Variants in PLD1 observed in about 807,000 individuals in gnomAD.
PLD1 encodes the protein phospholipase D1.
PLD1 carries 112 observed loss-of-function variants against 137.1 expected under a neutral mutation model. That is an observed-to-expected ratio of 0.82 (90% CI 0.70 to 0.96). PLD1 has a LOEUF of 0.96. Among genes scored for constraint, PLD1 ranks in the 40% least tolerant of loss-of-function variants. The pLI is 0.00. For synonymous variants in PLD1, 431 were observed against 454.7 expected, an observed-to-expected ratio of 0.95 and a Z score of 0.66; for missense variants, 1,321 against 1,342.0, an observed-to-expected ratio of 0.98 and a Z score of 0.24.
At chr3:171,800,335 A>G (rs543890172) in intron 1 of PLD1, among the ~76,000 whole-genome samples, 2 of 152,042 alleles carry the variant, frequency 1.3e-5, no homozygotes, top group East Asian at 3.9e-4. Flanking sequence ...CAGCCTCCCA[A>G]GTAGCTGTGA....
intron 1 of PLD1, among the ~76,000 whole-genome samples, chr3:171,775,504 A>G (rs1722557265): frequency 6.6e-6 from 1 of 152,140 alleles, no homozygotes; most frequent in Non-Finnish European, 1.5e-5. Context: ...TTAGAATGTC[A>G]AAGAGGTCCC....
At chr3:171,710,626 C>T (rs967465189) in intron 9 of PLD1, among the ~76,000 whole-genome samples, 3 of 152,194 alleles carry the variant, frequency 2.0e-5, no homozygotes, top group Non-Finnish European at 4.4e-5. Flanking sequence ...CAGTTCCGAA[C>T]AGGACACGGA....
chr3:171,639,848 C>CTCTCTCTCTATA (rs3050415), intron 23 of PLD1, among the ~76,000 whole-genome samples: 10 of 110,190 alleles, frequency 9.1e-5, no homozygotes, highest in Middle Eastern at 0.01. Flanking sequence ...CTCTCTCTCT[C>CTCTCTCTCTATA]TATATATATA....
Position 171,724,742 on chromosome 3 carries a change from A to G in PLD1, c.712T>C (p.Leu238=), listed in dbSNP as rs1308901245. 2 of 1,611,536 alleles carry G rather than the reference A, an allele frequency of 1.2e-6. No individual in the cohort carries two copies. Among genetic ancestry groups the G allele is most frequent in the African/African-American group, 2.7e-5 (2 of 74,908 alleles). The change falls in exon 8 of 27, where the codon TTG becomes CTG. Residue 238 remains leucine, a synonymous_variant. Coordinates refer to ENST00000351298, the MANE Select transcript of PLD1 (RefSeq NM_002662.5). ...GCTCTTCCCTGACCACAGCAATTCA[A>G]GCCTGGTATTCTGTGTCCTCCAGAT... The part of the protein sequence containing the change: ...KRSGGHRIPG[L]NCCGQGRACY...
At chr3:171,746,912 A>G (rs887780393) in intron 1 of PLD1, among the ~76,000 whole-genome samples, 2 of 152,220 alleles carry the variant, frequency 1.3e-5, no homozygotes, top group African/African-American at 2.4e-5. Context: ...GCTCTTTGCA[A>G]TAAATCTTGC....
At chr3:171,674,042 G>A (rs1713069617) in intron 19 of PLD1, among the ~76,000 whole-genome samples, 1 of 152,216 alleles carries the variant, frequency 6.6e-6, no homozygotes, top group African/African-American at 2.4e-5. Context: ...TAAACTGGAT[G>A]TGGTAAACTG....
chr3:171,626,450 T>C (rs1734115658), intron 23 of PLD1, among the ~76,000 whole-genome samples: 1 of 152,184 alleles, frequency 6.6e-6, no homozygotes, highest in Non-Finnish European at 1.5e-5. Context: ...CCAGGAGAAC[T>C]TCCCCAATCT....
intron 1 of PLD1, among the ~76,000 whole-genome samples, chr3:171,773,280 G>T (rs1183233545): frequency 6.6e-6 from 1 of 152,080 alleles, no homozygotes; most frequent in Admixed American, 6.6e-5. Flanking sequence ...ACTTTTAAAT[G>T]AGCCCAAGCT....
intron 1 of PLD1, among the ~76,000 whole-genome samples, chr3:171,739,603 C>A (rs1403095824): frequency 2.0e-5 from 3 of 152,142 alleles, no homozygotes; most frequent in African/African-American, 7.2e-5. Context: ...TTAGAATGCA[C>A]CTCGCTGGTG....
intron 1 of PLD1, among the ~76,000 whole-genome samples, chr3:171,797,927 T>C (rs1723495129): frequency 6.6e-6 from 1 of 152,220 alleles, no homozygotes. Context: ...TCACGATGGC[T>C]GTCCTGTGAG....
intron 21 of PLD1, among the ~76,000 whole-genome samples, chr3:171,656,839 A>AAACAT (rs1276639215): frequency 6.6e-6 from 1 of 152,230 alleles, no homozygotes; most frequent in Admixed American, 6.5e-5. Context: ...CCAGGTATGA[A>AAACAT]AAGTATGGAG....
At chr3:171,661,664 G>A (rs1227956587) in intron 20 of PLD1, among the ~76,000 whole-genome samples, 1 of 152,162 alleles carries the variant, frequency 6.6e-6, no homozygotes, top group Non-Finnish European at 1.5e-5. Flanking sequence ...GTGGCATCCA[G>A]TGGTCTCTAT....
intron 22 of PLD1, among the ~76,000 whole-genome samples, chr3:171,644,054 G>A (rs747538211): frequency 1.2e-4 from 19 of 152,032 alleles, no homozygotes; most frequent in Non-Finnish European, 2.1e-4. Flanking sequence ...CTCCACCCCC[G>A]ATTTGACCAA....
chr3:171,710,510 A>G (rs1717104225), intron 9 of PLD1, among the ~76,000 whole-genome samples: 1 of 152,210 alleles, frequency 6.6e-6, no homozygotes, highest in African/African-American at 2.4e-5. Context: ...AATCCACAAT[A>G]GGGTTCGAGC....
In PLD1 at chr3:171,638,564, C is replaced by T. The variant is rs543114897; in HGVS notation, c.2593+4276G>A. On this transcript the variant is annotated intron_variant, in intron 23 of 26. Transcript: ENST00000351298. ...TGAAGAATTGGTGTTAATTCTATTG[C>T]GGATGGTAGAACTAATTAGCAAAGC... Among the ~76,000 whole-genome samples the T allele has an allele frequency of 1.9e-4, 29 of 152,214 alleles. No individual in the cohort carries two copies. In the South Asian group the frequency reaches 4.3e-3, roughly 23 times the overall value.
intron 16 of PLD1, among the ~76,000 whole-genome samples, chr3:171,682,156 GAAAGAAAGAAAA>G (rs1560211491): frequency 4.7e-5 from 3 of 63,812 alleles, no homozygotes; most frequent in Non-Finnish European, 9.5e-5. Context: ...AAGAAAGAAA[GAAAGAAAGAAAA>G]AGAAAGAAAG....
At chr3:171,623,044 A>C in intron 23 of PLD1, among the ~76,000 whole-genome samples, 1 of 152,236 alleles carries the variant, frequency 6.6e-6, no homozygotes, top group South Asian at 2.1e-4. Context: ...AGACTTGAAC[A>C]AATGGAAAGA....
rs1731790534 is a variant in PLD1 at position 171,600,883 on chromosome 3, G to A, written c.*2195C>T. ...TTTATTAATTCTACAAGCATTTATT[G>A]CCATCTCCTATGTGCCAAGCACTGG... On this transcript the variant is annotated 3_prime_UTR_variant, in exon 27 of 27. Coordinates refer to ENST00000351298, the MANE Select transcript of PLD1 (RefSeq NM_002662.5). 1 of 152,122 alleles carries A rather than the reference G, an allele frequency of 6.6e-6. No homozygotes were observed. Among genetic ancestry groups the A allele is most frequent in the African/African-American group, 2.4e-5 (1 of 41,402 alleles). The allele number at this position is 152,122 out of a possible 1,614,324, so 9.4% of individuals were successfully genotyped here.
In PLD1 at chr3:171,723,816, T is replaced by C. The variant is rs138534949; in HGVS notation, c.758+880A>G. On this transcript the variant is annotated intron_variant, in intron 8 of 26. Coordinates refer to ENST00000351298, the MANE Select transcript of PLD1 (RefSeq NM_002662.5). ...ATCTTTTGTCCATTTTTAAATCAGA[T>C]TATTAGATTTTTTTCCTATAGAGTT... 4.7e-3 allele frequency among the ~76,000 whole-genome samples: 709 copies of C among 152,082 alleles called. 5 individuals are homozygous for C. The highest frequency in any genetic ancestry group is 0.016 in the African/African-American group (670 of 41,368).
Sources: gnomAD v4.1 joint callset for allele counts (sites outside exome capture counted in the v4.1 genomes callset) on GRCh38, gnomAD v4.1.1 for gene constraint, MANE v1.5 for transcripts, NCBI Gene and HGNC (gene_info 2026-07-23, HGNC 2026-07-21) for gene names.